CLIC6: variants seen among roughly 807,000 people sequenced by gnomAD.
CLIC6 encodes the protein CLIC family member 6.
Under a neutral mutation model 49.2 loss-of-function variants are expected in CLIC6, and 39 were observed. That is an observed-to-expected ratio of 0.79 (90% CI 0.61 to 1.04). The LOEUF (loss-of-function observed/expected upper bound fraction) is 1.04. CLIC6 is among the 50% of genes least tolerant of loss of function. The pLI is 0.00. For synonymous variants in CLIC6, 446 were observed against 433.4 expected (o/e 1.03, Z -0.36); for missense variants, 988 against 993.1 (o/e 0.99, Z 0.07).
rs751164005 is a variant in CLIC6, at chr21:34,701,049, G to GA, written c.1375-6223dup. On this transcript the variant is annotated intron_variant, in intron 1 of 5. Transcript: ENST00000349499. ...GTATAGGATGTGTTACTTTTTAGGA[G>GA]AAAAAAAATCAGTGAGGCCGAGGCG... Among the ~76,000 whole-genome samples the GA allele has an allele frequency of 1.1e-4, 14 of 128,072 alleles. 1 individual carries two copies. The highest frequency in any genetic ancestry group is 1.7e-4 in the Non-Finnish European group (10 of 59,640). The allele number at this position is 128,072 out of a possible 152,430, so 84.0% of individuals were successfully genotyped here.
chr21:34,708,133 T>C (rs1348714251), intron 3 of CLIC6, 64 bp downstream of exon 3: 2 of 1,588,710 alleles, frequency 1.3e-6, no homozygotes, highest in Non-Finnish European at 1.7e-6. Flanking sequence ...TAGTCAGTTC[T>C]AAAGCTCTGG....
At chr21:34,674,996 A>G (rs538734466) in intron 1 of CLIC6, among the ~76,000 whole-genome samples, 6 of 152,246 alleles carry the variant, frequency 3.9e-5, no homozygotes, top group African/African-American at 1.4e-4. Context: ...AGTCTGAGCT[A>G]CGGCTTTCCT....
In CLIC6 at chr21:34,716,584, TA is replaced by T. The variant is rs1169106834; in HGVS notation, c.*108del. 6.8e-6 allele frequency: 6 copies of T among 884,718 alleles called. No individual in the cohort carries two copies. Among genetic ancestry groups the T allele is most frequent in the East Asian group, 2.9e-5 (1 of 34,346 alleles). 54.8% of individuals were successfully genotyped at this position (884,718 alleles called of 1,614,324 possible). A position where few individuals can be genotyped will look rare whatever the true frequency, so the allele number is the denominator to read the frequency against. On this transcript the variant is annotated 3_prime_UTR_variant, in exon 6 of 6. Coordinates refer to ENST00000349499, the MANE Select transcript of CLIC6 (RefSeq NM_053277.3). The stretch of plus-strand genomic sequence containing the variant: ...GTTTGGGTTCAATTCCTTCAATTTT[TA>T]AAAAACTGGTCTCTGAGAGTTTTTT...
intron 1 of CLIC6, among the ~76,000 whole-genome samples, chr21:34,689,546 T>C (rs1430827378): frequency 2.6e-5 from 4 of 152,168 alleles, no homozygotes; most frequent in South Asian, 2.1e-4. Context: ...CTTTCTTATA[T>C]AGAAGGTGCT....
At position 34,698,422 on chromosome 21, in the gene CLIC6, G is replaced by A. The variant is rs899830888; in HGVS notation, c.1375-8858G>A. Among the ~76,000 whole-genome samples the A allele has an allele frequency of 3.3e-5, 5 of 151,700 alleles. No individual in the cohort carries two copies. The East Asian group carries it at 9.7e-4, about 29-fold the overall frequency. On this transcript the variant is annotated intron_variant, in intron 1 of 5. Coordinates refer to ENST00000349499, the MANE Select transcript of CLIC6 (RefSeq NM_053277.3). The stretch of plus-strand genomic sequence containing the variant: ...AAAAGGAATGAAGGAGGAAGGAAGG[G>A]AGGGAGGGAGATAGGGAAGGGAAGG...
intron 1 of CLIC6, among the ~76,000 whole-genome samples, chr21:34,690,633 C>A (rs562173539): frequency 3.3e-5 from 5 of 152,170 alleles, no homozygotes; most frequent in Non-Finnish European, 7.4e-5. Context: ...TTGCTGTGTT[C>A]GCCATATGAT....
At position 34,670,565 on chromosome 21, in the gene CLIC6, T is replaced by C. The variant is rs1989536663; in HGVS notation, c.1177T>C (p.Ser393Pro). Reference sequence around the variant, plus strand: ...GGAAGCAGCGGGGGGCGAAGAGGAATCCCCCGACAGCAGCCCACATGGGGA... The same window carrying C: ...GGAAGCAGCGGGGGGCGAAGAGGAACCCCCCGACAGCAGCCCACATGGGGA... Reference protein sequence around the residue: ...EEEAAGGEEESPDSSPHGEAS... With the variant: ...EEEAAGGEEEPPDSSPHGEAS... The change falls in exon 1 of 6, where the codon TCC (serine) becomes CCC (proline). Residue 393 changes from serine (S) to proline (P), a missense_variant. Ser to Pro is a moderately conservative substitution (Grantham distance 74, BLOSUM62 -1). Coordinates refer to ENST00000349499, the MANE Select transcript of CLIC6 (RefSeq NM_053277.3). The C allele has an allele frequency of 2.7e-6, 4 of 1,503,400 alleles. No homozygotes were observed. Among genetic ancestry groups the C allele is most frequent in the Non-Finnish European group, 3.5e-6 (4 of 1,126,988 alleles). The allele number at this position is 1,503,400 out of a possible 1,614,324, so 93.1% of individuals were successfully genotyped here. A position where few individuals can be genotyped will look rare whatever the true frequency, so the allele number is the denominator to read the frequency against.
At position 34,707,947 on chromosome 21, in the gene CLIC6, A is replaced by G. The variant is rs1173045979; in HGVS notation, c.1488A>G (p.Lys496=). The change falls in exon 3 of 6, where the codon AAA becomes AAG. Residue 496 remains lysine (K), a synonymous_variant. Coordinates refer to ENST00000349499, the MANE Select transcript of CLIC6 (RefSeq NM_053277.3). ...FNVTTVDLKR[K]PADLQNLAPG... ...ACTGCTGTTTCCTCCCACCTAGGAAACCCGCAGACCTGCAGAACCTGGCTC... is the reference window on the plus strand; with the variant it reads ...ACTGCTGTTTCCTCCCACCTAGGAAGCCCGCAGACCTGCAGAACCTGGCTC... The G allele has an allele frequency of 1.9e-6, 3 of 1,613,278 alleles. No individual in the cohort carries two copies. The highest frequency in any genetic ancestry group is 2.7e-5 in the African/African-American group (2 of 74,626).
chr21:34,714,533 C>T (rs899129316), intron 5 of CLIC6, among the ~76,000 whole-genome samples: 4 of 151,758 alleles, frequency 2.6e-5, no homozygotes, highest in Admixed American at 1.3e-4. Flanking sequence ...ACTAAAAAGA[C>T]AAAAATTAGC....
intron 5 of CLIC6, among the ~76,000 whole-genome samples, chr21:34,713,002 A>T (rs2145821792): frequency 6.6e-6 from 1 of 152,336 alleles, no homozygotes; most frequent in South Asian, 2.1e-4. Context: ...TTGGTTGGCC[A>T]CCTGCCCTGT....
intron 1 of CLIC6, among the ~76,000 whole-genome samples, chr21:34,694,135 A>ATTTTT (rs57210806): frequency 0.017 from 2,166 of 128,376 alleles, 64 homozygotes; most frequent in African/African-American, 0.055. Flanking sequence ...CGCCTGGTTA[A>ATTTTT]TTTTTTTTTT....
intron 1 of CLIC6, among the ~76,000 whole-genome samples, chr21:34,682,102 G>A (rs186085178): frequency 8.6e-4 from 131 of 152,186 alleles, no homozygotes; most frequent in Admixed American, 2.2e-3. Flanking sequence ...TCCTCTTTTT[G>A]ATATGTTAAA....
chr21:34,709,048 C>A (rs373343587), intron 4 of CLIC6, among the ~76,000 whole-genome samples: 11 of 152,194 alleles, frequency 7.2e-5, no homozygotes, highest in Non-Finnish European at 1.6e-4. Context: ...CCAGGTGTTC[C>A]GGACACACCA....
chr21:34,708,294 G>C (rs2056030892), intron 3 of CLIC6, among the ~76,000 whole-genome samples: 1 of 152,202 alleles, frequency 6.6e-6, no homozygotes, highest in Non-Finnish European at 1.5e-5. Context: ...GAAGTGGGAG[G>C]AGATGGGTCC....
intron 1 of CLIC6, among the ~76,000 whole-genome samples, chr21:34,692,465 C>T (rs76872986): frequency 0.017 from 2,560 of 152,294 alleles, 31 homozygotes; most frequent in Non-Finnish European, 0.026. Flanking sequence ...TGATCACCTG[C>T]TTTCTACCTG....
At chr21:34,709,721 G>A (rs1443847631) in intron 5 of CLIC6, among the ~76,000 whole-genome samples, 183 bp downstream of exon 5, 1 of 152,224 alleles carries the variant, frequency 6.6e-6, no homozygotes, top group East Asian at 1.9e-4. Context: ...TGGGCTTCGG[G>A]TGTTCTCAGA....
intron 5 of CLIC6, among the ~76,000 whole-genome samples, 188 bp from the exon 6 acceptor site, chr21:34,716,133 T>C (rs1249154608): frequency 2.0e-5 from 3 of 152,196 alleles, no homozygotes; most frequent in Non-Finnish European, 4.4e-5. Context: ...AGGAACTTCA[T>C]AGCCCTCCTC....
intron 1 of CLIC6, among the ~76,000 whole-genome samples, chr21:34,671,735 C>G (rs530264998): frequency 7.4e-4 from 112 of 152,222 alleles, no homozygotes; most frequent in African/African-American, 2.6e-3. Context: ...TTATAGAAAC[C>G]AGTTACCATC....
In CLIC6 at chr21:34,708,028, T is replaced by C. The variant is rs1386857555; in HGVS notation, c.1569T>C (p.Asn523=). The C allele has an allele frequency of 1.2e-6, 2 of 1,614,042 alleles. No individual in the cohort carries two copies. Among genetic ancestry groups the C allele is most frequent in the African/African-American group, 2.7e-5 (2 of 74,924 alleles). ...ATGGTGAAGTCAAGACGGATGTGAA[T>C]AAGATCGAGGAGTTCTTAGAGGAGA... ...TFDGEVKTDV[N]KIEEFLEEKL... is the part of the protein sequence containing the mutation. The change falls in exon 3 of 6, where the codon AAT becomes AAC. Residue 523 remains asparagine, a synonymous_variant. Coordinates refer to ENST00000349499, the MANE Select transcript of CLIC6 (RefSeq NM_053277.3).
Sources: gnomAD v4.1 joint callset for allele counts (sites outside exome capture counted in the v4.1 genomes callset) on GRCh38, gnomAD v4.1.1 for gene constraint, MANE v1.5 for transcripts, NCBI Gene and HGNC (gene_info 2026-07-23, HGNC 2026-07-21) for gene names.